ODAD2: variants seen among roughly 807,000 people sequenced by gnomAD.
ODAD2 encodes outer dynein arm docking complex subunit 2, also known as outer dynein arm-docking complex subunit 2.
In ODAD2, 89 loss-of-function variants were observed where a neutral mutation model predicts 106.8. The ratio of observed to expected loss-of-function variants is 0.83; its 90% CI spans 0.70 to 0.99. ODAD2 has a LOEUF of 0.99. ODAD2 is among the 50% of genes least tolerant of loss of function. ODAD2 has a pLI of 0.00. For synonymous variants in ODAD2, 404 were observed against 436.2 expected (o/e 0.93, Z 0.92); for missense variants, 1,168 against 1,238.5 (o/e 0.94, Z 0.85).
intron 17 of ODAD2, among the ~76,000 whole-genome samples, chr10:27,864,406 T>C (rs1351419503): frequency 1.4e-5 from 2 of 147,274 alleles, no homozygotes; most frequent in South Asian, 4.5e-4. Context: ...GGCTTGGAGC[T>C]TAGAAAAAAA....
At chr10:27,856,720 G>A (rs1192078769) in intron 19 of ODAD2, among the ~76,000 whole-genome samples, 1 of 152,070 alleles carries the variant, frequency 6.6e-6, no homozygotes, top group African/African-American at 2.4e-5. Context: ...TTGAAGACTT[G>A]GGTACAAAGG....
intron 17 of ODAD2, among the ~76,000 whole-genome samples, chr10:27,897,938 A>G (rs1397548641): frequency 1.3e-5 from 2 of 152,084 alleles, no homozygotes; most frequent in African/African-American, 4.8e-5. Context: ...GGCTGCTTGC[A>G]TACGAGACCA....
chr10:27,960,439 T>G lies in ODAD2; in HGVS notation c.1386+1129A>C, dbSNP rs1478478184. On this transcript the variant is annotated intron_variant, in intron 10 of 19. Coordinates refer to ENST00000305242, the MANE Select transcript of ODAD2 (RefSeq NM_018076.5). ...TCGGCTCACTGCAACCTCCGCCTCCTGGGTTCAAGCAATTCTCCTGCCTCA... is the reference window on the plus strand; with the variant it reads ...TCGGCTCACTGCAACCTCCGCCTCCGGGGTTCAAGCAATTCTCCTGCCTCA... Among the ~76,000 whole-genome samples the G allele has an allele frequency of 2.0e-5, 3 of 151,264 alleles. No homozygotes were observed. In the East Asian group the frequency reaches 5.8e-4, roughly 29 times the overall value.
At chr10:27,969,526 C>T (rs146393537) in intron 8 of ODAD2, among the ~76,000 whole-genome samples, 485 of 152,346 alleles carry the variant, frequency 3.2e-3, no homozygotes, top group African/African-American at 0.011. Flanking sequence ...AAAAGTTGCC[C>T]ATGCATTTTT....
intron 18 of ODAD2, 21 bp from the exon 19 acceptor site, chr10:27,860,867 T>C (rs373251394): frequency 3.8e-6 from 6 of 1,598,552 alleles, no homozygotes; most frequent in South Asian, 2.2e-5. Flanking sequence ...GAAAATGAAA[T>C]GGGATCTGTG....
At chr10:27,818,906 G>T (rs1182214759) in intron 19 of ODAD2, among the ~76,000 whole-genome samples, 3 of 152,132 alleles carry the variant, frequency 2.0e-5, no homozygotes, top group African/African-American at 7.2e-5. Flanking sequence ...TCAAGGGTAT[G>T]GGTTTTGAGG....
chr10:27,833,139 A>G (rs1430115846), intron 19 of ODAD2, among the ~76,000 whole-genome samples: 2 of 152,190 alleles, frequency 1.3e-5, no homozygotes, highest in Non-Finnish European at 2.9e-5. Context: ...CCCCAGCTAT[A>G]TGGCCATGAC....
At chr10:27,966,459 C>T (rs1848494563) in intron 9 of ODAD2, among the ~76,000 whole-genome samples, 1 of 152,128 alleles carries the variant, frequency 6.6e-6, no homozygotes, top group Non-Finnish European at 1.5e-5. Context: ...AGCAGCGCCC[C>T]AAAGAAAAGC....
intron 19 of ODAD2, among the ~76,000 whole-genome samples, chr10:27,820,644 C>T (rs1182203527): frequency 6.6e-6 from 1 of 151,868 alleles, no homozygotes; most frequent in Non-Finnish European, 1.5e-5. Flanking sequence ...CTGAGTGTAC[C>T]AAGAGGATTA....
At chr10:27,983,773 A>G in intron 6 of ODAD2, 70 bp downstream of exon 6, 1 of 1,426,972 alleles carries the variant, frequency 7.0e-7, no homozygotes, top group South Asian at 1.2e-5. Context: ...ATTGGGACAC[A>G]CCCTTGAGAC....
chr10:27,961,240 G>A (rs66777965), intron 10 of ODAD2, among the ~76,000 whole-genome samples: 21 of 151,302 alleles, frequency 1.4e-4, no homozygotes, highest in South Asian at 8.4e-4. Flanking sequence ...GAGTTTAACC[G>A]AAGTCCAGCT....
chr10:27,983,636 A>T (rs1379879861), intron 6 of ODAD2, among the ~76,000 whole-genome samples: 1 of 152,180 alleles, frequency 6.6e-6, no homozygotes, highest in African/African-American at 2.4e-5. Context: ...TTCTTATCAG[A>T]TTGGCTTAAT....
intron 17 of ODAD2, among the ~76,000 whole-genome samples, chr10:27,878,504 T>C (rs1841494838): frequency 6.6e-6 from 1 of 152,088 alleles, no homozygotes; most frequent in African/African-American, 2.4e-5. Flanking sequence ...TTAAAGCACA[T>C]ACAAGGCGAG....
chr10:27,882,256 T>A (rs1399061787), intron 17 of ODAD2, among the ~76,000 whole-genome samples: 1 of 150,862 alleles, frequency 6.6e-6, no homozygotes, highest in East Asian at 2.0e-4. Flanking sequence ...TCTGATCTCA[T>A]TCTCAATAAG....
intron 10 of ODAD2, among the ~76,000 whole-genome samples, chr10:27,960,092 G>C (rs1848019086): frequency 1.3e-5 from 2 of 151,776 alleles, no homozygotes; most frequent in African/African-American, 2.4e-5. Flanking sequence ...CGCTTAAAAT[G>C]AAATTTTAAA....
chr10:27,836,349 C>T (rs1837887907), intron 19 of ODAD2, among the ~76,000 whole-genome samples: 1 of 152,080 alleles, frequency 6.6e-6, no homozygotes, highest in African/African-American at 2.4e-5. Flanking sequence ...GAATCCAAAC[C>T]CAGATCTGCT....
rs72095120 is a variant in ODAD2, at chr10:27,820,777, C to CTTTTTTTTT, written c.3022-8161_3022-8153dup. ...CAATTAAACCAATGAAGCCCAGCAA[C>CTTTTTTTTT]TTTTTTTTTTTTTTTTTTTTTTTTG... On this transcript the variant is annotated intron_variant, in intron 19 of 19. Coordinates refer to ENST00000305242, the MANE Select transcript of ODAD2 (RefSeq NM_018076.5). Among the ~76,000 whole-genome samples, 20 of 105,550 alleles carry CTTTTTTTTT rather than the reference C, an allele frequency of 1.9e-4. 1 individual carries two copies. Among genetic ancestry groups the CTTTTTTTTT allele is most frequent in the African/African-American group, 7.8e-4 (20 of 25,726 alleles). The allele number at this position is 105,550 out of a possible 152,430, so 69.2% of individuals were successfully genotyped here. A position where few individuals can be genotyped will look rare whatever the true frequency, so the allele number is the denominator to read the frequency against.
At chr10:27,956,249 C>A (rs1308256093) in intron 10 of ODAD2, among the ~76,000 whole-genome samples, 1 of 152,174 alleles carries the variant, frequency 6.6e-6, no homozygotes, top group Non-Finnish European at 1.5e-5. Flanking sequence ...TGGCACACCA[C>A]CTGCTGCTGG....
chr10:27,940,675 T>C lies in ODAD2; in HGVS notation c.1874A>G (p.Lys625Arg). ...GCCCCCAGCTTTGCGGATGGCTTCTTTATTCGTATGACTCTTACTGCAGCT... is the reference window on the plus strand; with the variant it reads ...GCCCCCAGCTTTGCGGATGGCTTCTCTATTCGTATGACTCTTACTGCAGCT... ...LWSCSKSHTN[K>R]EAIRKAGGIP... The change falls in exon 13 of 20, where the codon AAA (lysine) becomes AGA (arginine). Residue 625 changes from lysine to arginine, a missense_variant. By Grantham distance (26) the Lys-to-Arg change is conservative. Coordinates refer to ENST00000305242, the MANE Select transcript of ODAD2 (RefSeq NM_018076.5). The C allele has an allele frequency of 6.2e-7, 1 of 1,614,146 alleles. No individual in the cohort carries two copies. The highest frequency in any genetic ancestry group is 8.5e-7 in the Non-Finnish European group (1 of 1,180,002).
Sources: allele counts gnomAD v4.1 joint callset (sites outside exome capture counted in the v4.1 genomes callset), GRCh38; gene constraint gnomAD v4.1.1; transcripts MANE v1.5; gene names NCBI Gene and HGNC (gene_info 2026-07-23, HGNC 2026-07-21).